The following ATP2B4 variants were observed in gnomAD, a reference collection of about 807,000 sequenced individuals.
ATP2B4 encodes the protein ATPase plasma membrane Ca2+ transporting 4, also known as plasma membrane calcium-transporting ATPase 4.
A neutral mutation model predicts 110.3 loss-of-function variants in ATP2B4; 39 were observed. That is an observed-to-expected ratio of 0.35 (90% confidence interval 0.27 to 0.46). ATP2B4 has a LOEUF of 0.46. ATP2B4 is among the 20% of genes least tolerant of loss of function. The probability of loss-of-function intolerance (pLI) is 1.00; values close to 1 mark genes in which losing one functional copy is unlikely to be tolerated. For synonymous variants in ATP2B4, 538 were observed against 571.7 expected (o/e 0.94, Z 0.84); for missense variants, 1,135 against 1,530.9 (o/e 0.74, Z 4.32).
At chr1:203,658,871 G>C (rs1206518189) in intron 1 of ATP2B4, among the ~76,000 whole-genome samples, 1 of 151,994 alleles carries the variant, frequency 6.6e-6, no homozygotes, top group African/African-American at 2.4e-5. Context: ...GGGCGTGGTG[G>C]TGTGTGCCTG....
chr1:203,659,341 G>A (rs1223336077), intron 1 of ATP2B4, among the ~76,000 whole-genome samples: 1 of 152,194 alleles, frequency 6.6e-6, no homozygotes, highest in Non-Finnish European at 1.5e-5. Context: ...TGTAATATAT[G>A]TCAGAATGAC....
At position 203,710,984 on chromosome 1, in the gene ATP2B4, G is replaced by A. The variant is rs1412861254; in HGVS notation, c.1907G>A (p.Arg636Gln). ...VIEPMACDGL[R>Q]TICIAYRDFD... ...GAGCCCATGGCCTGTGATGGACTCC[G>A]GACTATCTGCATAGCTTACCGGGAC... Residue 636 changes from arginine to glutamine, a missense_variant, in exon 12 of 21, where the codon CGG becomes CAG. Arg to Gln is a conservative substitution (Grantham distance 43). Coordinates refer to ENST00000357681, the MANE Select transcript of ATP2B4 (RefSeq NM_001684.5). The A allele has an allele frequency of 1.2e-6, 2 of 1,614,034 alleles. No individual in the cohort carries two copies. Among genetic ancestry groups the A allele is most frequent in the Admixed American group, 1.7e-5 (1 of 59,994 alleles).
intron 20 of ATP2B4, 24 bp from the exon 21 acceptor site, chr1:203,739,522 C>T (rs781619132): frequency 6.3e-7 from 1 of 1,594,778 alleles, no homozygotes; most frequent in Admixed American, 1.7e-5. Flanking sequence ...TTTTCTCATC[C>T]TCCTTTTCCT....
intron 1 of ATP2B4, among the ~76,000 whole-genome samples, chr1:203,663,054 T>C (rs1571695314): frequency 6.6e-6 from 1 of 152,244 alleles, no homozygotes; most frequent in African/African-American, 2.4e-5. Context: ...CTTTCAATGC[T>C]GAAGGCCTTT....
intron 2 of ATP2B4, among the ~76,000 whole-genome samples, chr1:203,691,946 A>G (rs945109318): frequency 8.6e-5 from 13 of 151,944 alleles, no homozygotes; most frequent in African/African-American, 3.1e-4. Context: ...CAGTGGCGCA[A>G]TCTCAGCTCA....
rs1667022298 is a variant in ATP2B4 at position 203,742,914 on chromosome 1, A to G, written c.*3060A>G. 6.6e-6 allele frequency: 1 copy of G among 152,536 alleles called. No homozygotes were observed. Among genetic ancestry groups the G allele is most frequent in the Non-Finnish European group, 1.5e-5 (1 of 68,044 alleles). 9.4% of individuals were successfully genotyped at this position (152,536 alleles called of 1,614,324 possible). On this transcript the variant is annotated 3_prime_UTR_variant, in exon 21 of 21. Coordinates refer to ENST00000357681, the MANE Select transcript of ATP2B4 (RefSeq NM_001684.5). ...CTCCCCTAGAAAGATTTTGTGCAAT[A>G]TATTAAATGGGGACAGAATTCTAAA...
chr1:203,697,871 A>C (rs1453763567), intron 2 of ATP2B4, among the ~76,000 whole-genome samples: 2 of 151,800 alleles, frequency 1.3e-5, no homozygotes, highest in Non-Finnish European at 2.9e-5. Flanking sequence ...TGCCTGGCTA[A>C]TTTTTGTCTT....
At chr1:203,713,292 G>T (rs1161897593) in intron 14 of ATP2B4, 40 bp downstream of exon 14, 2 of 1,609,548 alleles carry the variant, frequency 1.2e-6, no homozygotes, top group East Asian at 4.5e-5. Context: ...AACAGCTGAA[G>T]GCAGGCCAGG....
chr1:203,717,354 A>AT (rs962141250), intron 15 of ATP2B4, among the ~76,000 whole-genome samples: 8 of 151,484 alleles, frequency 5.3e-5, no homozygotes, highest in South Asian at 2.1e-4. Flanking sequence ...CAATGAGTGG[A>AT]TTTTTTTTTA....
chr1:203,675,953 C>T lies in ATP2B4; in HGVS notation c.-464-6789C>T, dbSNP rs545657084. 2.6e-5 allele frequency among the ~76,000 whole-genome samples: 4 copies of T among 152,188 alleles called. No homozygotes were observed. In the South Asian group the frequency reaches 6.2e-4, roughly 24 times the overall value. ...AGAGCAAAGGAGACATGAACCAGAACCCAGAACTTCAGGAAGGGAGTACCC... is the reference window on the plus strand; with the variant it reads ...AGAGCAAAGGAGACATGAACCAGAATCCAGAACTTCAGGAAGGGAGTACCC... On this transcript the variant is annotated intron_variant, in intron 1 of 20. Transcript: ENST00000357681.
intron 1 of ATP2B4, among the ~76,000 whole-genome samples, chr1:203,681,653 C>T (rs952568237): frequency 2.0e-5 from 3 of 152,080 alleles, no homozygotes; most frequent in East Asian, 1.9e-4. Context: ...TTCAGCCCTC[C>T]GTTTTGTCAC....
chr1:203,631,669 C>G (rs1663271706), intron 1 of ATP2B4, among the ~76,000 whole-genome samples: 1 of 152,082 alleles, frequency 6.6e-6, no homozygotes, highest in African/African-American at 2.4e-5. Context: ...AGTATTGAGC[C>G]CGGGAAGTTA....
chr1:203,694,997 C>G (rs1197975734), intron 2 of ATP2B4, among the ~76,000 whole-genome samples: 3 of 152,110 alleles, frequency 2.0e-5, no homozygotes, highest in Non-Finnish European at 2.9e-5. Flanking sequence ...CAGAGAGGGA[C>G]AGGTAGCCCT....
intron 1 of ATP2B4, among the ~76,000 whole-genome samples, chr1:203,648,400 C>A (rs1269639712): frequency 6.6e-6 from 1 of 152,086 alleles, no homozygotes; most frequent in Non-Finnish European, 1.5e-5. Context: ...GGGACAAAGA[C>A]AATGTCTAGT....
intron 3 of ATP2B4, 29 bp downstream of exon 3, chr1:203,698,383 T>A: frequency 6.2e-7 from 1 of 1,609,624 alleles, no homozygotes; most frequent in Non-Finnish European, 8.5e-7. Context: ...TCAGCGTGAC[T>A]CTTATCTGGG....
chr1:203,715,136 G>A (rs146104994), intron 15 of ATP2B4, among the ~76,000 whole-genome samples: 2,419 of 152,058 alleles, frequency 0.016, 71 homozygotes, highest in African/African-American at 0.056. Flanking sequence ...ATGGCCGGGT[G>A]CAGTGGCTCA....
In ATP2B4 at chr1:203,721,339, G is replaced by T. The variant is rs1372467335; in HGVS notation, c.2741G>T (p.Arg914Leu). ...PYGRNKPLIS[R>L]TMMKNILGHA... ...GGCCGAAATAAGCCTCTGATCTCAC[G>T]CACTATGATGAAGAACATCTTGGGC... The change falls in exon 17 of 21, where the codon CGC becomes CTC. Residue 914 changes from arginine to leucine, a missense_variant. This residue lies in a region of ATP2B4 where 155 missense variants were observed against 186.2 expected (regional missense o/e 0.83). Transcript: ENST00000357681. 6.2e-7 allele frequency: 1 copy of T among 1,614,142 alleles called. No homozygotes were observed. Among genetic ancestry groups the T allele is most frequent in the South Asian group, 1.1e-5 (1 of 91,086 alleles).
Position 203,632,489 on chromosome 1 carries a change from G to A in ATP2B4, c.-465+5270G>A, listed in dbSNP as rs141990635. Among the ~76,000 whole-genome samples the A allele has an allele frequency of 5.1e-3, 780 of 151,638 alleles. 9 individuals carry two copies. Among genetic ancestry groups the A allele is most frequent in the African/African-American group, 0.018 (724 of 41,356 alleles). ...TTCCTGAGTAGCTGGGACTACAGGC[G>A]CCTGCCACCACGCCCGGCTAATTTT... is the stretch of plus-strand genomic sequence containing the variant. On this transcript the variant is annotated intron_variant, in intron 1 of 20. Transcript: ENST00000357681.
chr1:203,723,457 T>TCTCCCTCCCC (rs1553251106), intron 18 of ATP2B4, among the ~76,000 whole-genome samples: 1 of 113,502 alleles, frequency 8.8e-6, no homozygotes, highest in Non-Finnish European at 1.7e-5. Context: ...TCTCTCTCTC[T>TCTCCCTCCCC]CTCCCTCTGC....
Sources: allele counts gnomAD v4.1 joint callset (sites outside exome capture counted in the v4.1 genomes callset), GRCh38; gene constraint gnomAD v4.1.1; regional missense constraint gnomAD v4.1.1; transcripts MANE v1.5; gene names NCBI Gene and HGNC (gene_info 2026-07-23, HGNC 2026-07-21).